Variants in GEMIN8 observed in about 807,000 individuals in gnomAD.
GEMIN8 encodes the protein gem-associated protein 8.
For missense variants in GEMIN8, 185 were observed against 205.9 expected, an observed-to-expected ratio of 0.90 and a Z score of 0.62; for synonymous variants, 80 against 78.5, an observed-to-expected ratio of 1.02 and a Z score of -0.10.
chrX:13,993,477 C>T, the GEMIN8 span, among the ~76,000 whole-genome samples: 6 of 101,299 alleles, frequency 5.9e-5, no homozygotes, highest in Non-Finnish European at 1.2e-4. Flanking sequence ...GACAGGATCT[C>T]ATTCTGTTGG....
the GEMIN8 span, among the ~76,000 whole-genome samples, chrX:13,995,272 C>T: frequency 1.8e-5 from 2 of 111,939 alleles, no homozygotes; most frequent in East Asian, 2.8e-4. Flanking sequence ...CCCTCAATGA[C>T]GCTTTCTAGC....
At chrX:13,987,275 A>G in the GEMIN8 span, among the ~76,000 whole-genome samples, 1 of 112,259 alleles carries the variant, frequency 8.9e-6, no homozygotes, top group Admixed American at 9.5e-5. Context: ...GTGCAGAAAT[A>G]AAACCTTATT....
chrX:13,998,414 G>C, the GEMIN8 span, among the ~76,000 whole-genome samples: 1 of 109,888 alleles, frequency 9.1e-6, no homozygotes, highest in South Asian at 3.9e-4. Flanking sequence ...GAGTTCTCAC[G>C]AGATCTGATG....
Sources: gnomAD v4.1 joint callset for allele counts (sites outside exome capture counted in the v4.1 genomes callset) on GRCh38, gnomAD v4.1.1 for gene constraint, MANE v1.5 for transcripts, NCBI Gene and HGNC (gene_info 2026-07-23, HGNC 2026-07-21) for gene names.